Variants in STARD13 observed in about 807,000 individuals in gnomAD.
STARD13 encodes the protein stAR-related lipid transfer protein 13.
STARD13 carries 62 observed loss-of-function variants against 106.4 expected under a neutral mutation model. That is an observed-to-expected ratio of 0.58 (90% CI 0.48 to 0.72). The LOEUF (loss-of-function observed/expected upper bound fraction) is 0.72. Ranked by LOEUF, STARD13 falls within the 30% of genes least tolerant of loss-of-function variation. STARD13 has a pLI of 0.00. For synonymous variants in STARD13, 565 were observed against 553.0 expected (o/e 1.02, Z -0.31); for missense variants, 1,387 against 1,424.0 (o/e 0.97, Z 0.42).
the STARD13 span, among the ~76,000 whole-genome samples, chr13:33,410,950 A>G: frequency 2.6e-5 from 4 of 152,318 alleles, no homozygotes; most frequent in Admixed American, 2.0e-4. Flanking sequence ...CTTCCTAATC[A>G]TGGCTTTCCA....
chr13:33,640,544 A>C, the STARD13 span, among the ~76,000 whole-genome samples: 1 of 152,222 alleles, frequency 6.6e-6, no homozygotes, highest in African/African-American at 2.4e-5. Flanking sequence ...CAAGAGACCC[A>C]GAGTCCCTGC....
At chr13:33,204,325 G>A (rs960241037) in intron 1 of STARD13, among the ~76,000 whole-genome samples, 3 of 152,096 alleles carry the variant, frequency 2.0e-5, no homozygotes, top group Admixed American at 6.6e-5. Flanking sequence ...AGTATCAGAC[G>A]CACATCTCTC....
intron 1 of STARD13, among the ~76,000 whole-genome samples, chr13:33,222,420 T>A (rs1460996430): frequency 2.0e-5 from 3 of 152,184 alleles, no homozygotes; most frequent in Non-Finnish European, 4.4e-5. Context: ...ACTACTGCAC[T>A]GTACACTTAA....
the STARD13 span, among the ~76,000 whole-genome samples, chr13:33,531,101 T>C: frequency 6.6e-6 from 1 of 152,140 alleles, no homozygotes; most frequent in African/African-American, 2.4e-5. Context: ...GAATAAGTCT[T>C]ATGAGATCTG....
At chr13:33,608,164 C>A in the STARD13 span, among the ~76,000 whole-genome samples, 2 of 151,910 alleles carry the variant, frequency 1.3e-5, no homozygotes, top group East Asian at 3.9e-4. Flanking sequence ...GCCTTGGCCT[C>A]CCAAAGTACT....
In STARD13 at chr13:33,321,923, A is replaced by G. The variant is rs147982990; in HGVS notation, c.124+28367T>C. ...TTTTGGAAAATTTTGTTACTTTTTCAGTGTTATCAAGAATGCATAATTTGT... is the reference window on the plus strand; with the variant it reads ...TTTTGGAAAATTTTGTTACTTTTTCGGTGTTATCAAGAATGCATAATTTGT... On this transcript the variant is annotated intron_variant, in intron 1 of 5. Transcript: ENST00000567873. Among the ~76,000 whole-genome samples, 251 of 152,344 alleles carry G rather than the reference A, an allele frequency of 1.6e-3. 2 individuals are homozygous for G. The highest frequency in any genetic ancestry group is 0.014 in the Admixed American group (212 of 15,300).
intron 1 of STARD13, among the ~76,000 whole-genome samples, chr13:33,203,873 C>A (rs1887224359): frequency 6.6e-6 from 1 of 152,114 alleles, no homozygotes; most frequent in Non-Finnish European, 1.5e-5. Context: ...TAATGGCATA[C>A]GTACCAAAAG....
chr13:33,113,626 A>G, intron 8 of STARD13: 1 of 490,802 alleles, frequency 2.0e-6, no homozygotes, highest in East Asian at 5.8e-5. Context: ...CACCTGTTCC[A>G]TAATCTTGGG....
the STARD13 span, among the ~76,000 whole-genome samples, chr13:33,501,391 G>C: frequency 6.6e-6 from 1 of 152,152 alleles, no homozygotes; most frequent in Non-Finnish European, 1.5e-5. Context: ...TAGTTTAATT[G>C]GATCCCATTT....
At chr13:33,254,525 G>C (rs1890243673) in intron 1 of STARD13, among the ~76,000 whole-genome samples, 1 of 152,126 alleles carries the variant, frequency 6.6e-6, no homozygotes, top group Admixed American at 6.5e-5. Flanking sequence ...CCCGACAAAG[G>C]CCCTACCATC....
chr13:33,343,601 ATCTAC>A lies in STARD13; in HGVS notation c.124+6684_124+6688del, dbSNP rs1282624611. On this transcript the variant is annotated intron_variant, in intron 1 of 5. Coordinates refer to the STARD13 transcript ENST00000567873. ...TTAAAAAAAAAAAAAAAAAAAACAA[ATCTAC>A]AAATCTAGTAGTCCCTCTCCCTAGC... Among the ~76,000 whole-genome samples the A allele has an allele frequency of 2.0e-3, 149 of 75,624 alleles. 1 individual carries two copies. Among genetic ancestry groups the A allele is most frequent in the Middle Eastern group, 0.018 (2 of 110 alleles). 49.6% of individuals were successfully genotyped at this position (75,624 alleles called of 152,430 possible). A position where few individuals can be genotyped will look rare whatever the true frequency, so the allele number is the denominator to read the frequency against.
At chr13:33,296,228 C>CAAA (rs35565794) in intron 1 of STARD13, among the ~76,000 whole-genome samples, 1 of 144,288 alleles carries the variant, frequency 6.9e-6, no homozygotes, top group African/African-American at 2.6e-5. Flanking sequence ...GACTTCATCT[C>CAAA]AAAAAAAAAA....
the STARD13 span, among the ~76,000 whole-genome samples, chr13:33,673,924 G>A: frequency 4.8e-5 from 7 of 146,422 alleles, no homozygotes; most frequent in East Asian, 2.0e-4. Context: ...GCAGTGGTGC[G>A]ATCTCGGCTC....
intron 3 of STARD13, among the ~76,000 whole-genome samples, chr13:33,161,580 G>C (rs1404080745): frequency 6.6e-6 from 1 of 152,162 alleles, no homozygotes; most frequent in African/African-American, 2.4e-5. Flanking sequence ...CTCCCAAAGT[G>C]CTGGGATTAC....
At chr13:33,212,879 A>T (rs1444396069) in intron 1 of STARD13, among the ~76,000 whole-genome samples, 3 of 152,104 alleles carry the variant, frequency 2.0e-5, no homozygotes, top group Non-Finnish European at 4.4e-5. Context: ...AAAATGACAC[A>T]TTTTCACCTT....
the STARD13 span, among the ~76,000 whole-genome samples, chr13:33,543,115 G>T: frequency 6.6e-6 from 1 of 152,154 alleles, no homozygotes; most frequent in East Asian, 1.9e-4. Context: ...TTCCTTATGC[G>T]TTGTTGCTGG....
At chr13:33,141,851 C>T (rs77180369) in intron 4 of STARD13, among the ~76,000 whole-genome samples, 1 of 151,430 alleles carries the variant, frequency 6.6e-6, no homozygotes, top group South Asian at 2.1e-4. Context: ...CCATAAAGCA[C>T]CGAGATATTT....
the STARD13 span, among the ~76,000 whole-genome samples, chr13:33,646,298 TGG>T: frequency 6.6e-6 from 1 of 152,172 alleles, no homozygotes; most frequent in Non-Finnish European, 1.5e-5. Flanking sequence ...AAACGCGACA[TGG>T]TAAAATAAAT....
At chr13:33,636,197 A>G in the STARD13 span, among the ~76,000 whole-genome samples, 1 of 151,642 alleles carries the variant, frequency 6.6e-6, no homozygotes, top group Non-Finnish European at 1.5e-5. Flanking sequence ...CATCACTCAT[A>G]GTAAATACAC....
Sources: gnomAD v4.1 joint callset for allele counts (sites outside exome capture counted in the v4.1 genomes callset) on GRCh38, gnomAD v4.1.1 for gene constraint, MANE v1.5 for transcripts, NCBI Gene and HGNC (gene_info 2026-07-23, HGNC 2026-07-21) for gene names.